The following SNTA1 variants were observed in gnomAD, a reference collection of about 807,000 sequenced individuals.
The protein encoded by SNTA1 is syntrophin alpha 1.
Under a neutral mutation model 47.1 loss-of-function variants are expected in SNTA1, and 31 were observed. That is an observed-to-expected ratio of 0.66 (90% CI 0.49 to 0.89). The LOEUF is 0.89. SNTA1 is among the 40% of genes least tolerant of loss of function. SNTA1 has a pLI of 0.00. For missense variants in SNTA1, 575 were observed against 693.0 expected, an observed-to-expected ratio of 0.83 and a Z score of 1.91; for synonymous variants, 300 against 313.6, an observed-to-expected ratio of 0.96 and a Z score of 0.46.
chr20:33,440,297 A>C (rs1300686155), intron 1 of SNTA1, among the ~76,000 whole-genome samples: 2 of 151,810 alleles, frequency 1.3e-5, no homozygotes, highest in East Asian at 3.9e-4. Context: ...CTCTTCTAAA[A>C]GTACAAACAT....
At chr20:33,443,245 C>A in intron 1 of SNTA1, 66 bp downstream of exon 1, 1 of 1,311,156 alleles carries the variant, frequency 7.6e-7, no homozygotes, top group Non-Finnish European at 1.0e-6. Flanking sequence ...GGCGCGCTGC[C>A]AGCCCCCTGC....
intron 2 of SNTA1, among the ~76,000 whole-genome samples, chr20:33,425,831 C>T (rs1379401250): frequency 6.6e-6 from 1 of 152,010 alleles, no homozygotes; most frequent in African/African-American, 2.4e-5. Context: ...CAGTGCTTCG[C>T]GAGGTCGAGG....
At position 33,438,753 on chromosome 20, in the gene SNTA1, G is replaced by A. The variant is rs879245636; in HGVS notation, c.496+88C>T. On this transcript the variant is annotated intron_variant, in intron 2 of 7. Coordinates refer to ENST00000217381, the MANE Select transcript of SNTA1 (RefSeq NM_003098.3). ...CCCACCTCCCAGCCCCCAGTGCTGGGATGGGGCCTTCTGAGGCCTGGGGGA... is the reference window on the plus strand; with the variant it reads ...CCCACCTCCCAGCCCCCAGTGCTGGAATGGGGCCTTCTGAGGCCTGGGGGA... The A allele has an allele frequency of 1.1e-4, 125 of 1,123,418 alleles. 1 individual carries two copies. The South Asian group carries it at 1.4e-3, about 13-fold the overall frequency. The allele number at this position is 1,123,418 out of a possible 1,614,324, so 69.6% of individuals were successfully genotyped here.
chr20:33,433,777 G>A (rs1990368120), intron 2 of SNTA1, among the ~76,000 whole-genome samples: 1 of 152,260 alleles, frequency 6.6e-6, no homozygotes, highest in African/African-American at 2.4e-5. Flanking sequence ...CTGCCAACTT[G>A]GGCCCAGACT....
chr20:33,408,973 G>A (rs1310904810), intron 6 of SNTA1, 85 bp from the exon 7 acceptor site: 8 of 1,271,244 alleles, frequency 6.3e-6, no homozygotes, highest in Non-Finnish European at 9.2e-6. Flanking sequence ...AGCTTACAAA[G>A]TGGGGCCTGA....
At chr20:33,415,281 G>C (rs1466750536) in intron 3 of SNTA1, among the ~76,000 whole-genome samples, 1 of 152,214 alleles carries the variant, frequency 6.6e-6, no homozygotes, top group Non-Finnish European at 1.5e-5. Context: ...CACGTTTCAG[G>C]TAATGTCTGG....
chr20:33,436,163 A>C (rs1402291804), intron 2 of SNTA1, among the ~76,000 whole-genome samples: 2 of 152,126 alleles, frequency 1.3e-5, no homozygotes, highest in Non-Finnish European at 2.9e-5. Flanking sequence ...ACTGCACTCC[A>C]ACCTGGGTGA....
intron 3 of SNTA1, among the ~76,000 whole-genome samples, chr20:33,415,421 C>A (rs1407781203): frequency 6.6e-6 from 1 of 152,176 alleles, no homozygotes; most frequent in Non-Finnish European, 1.5e-5. Flanking sequence ...CTTTGGGAGC[C>A]CAAGGTGGGT....
At chr20:33,428,931 C>T (rs562626439) in intron 2 of SNTA1, among the ~76,000 whole-genome samples, 1 of 151,874 alleles carries the variant, frequency 6.6e-6, no homozygotes, top group Admixed American at 6.6e-5. Flanking sequence ...ATCCCAGCTA[C>T]TTGGGAGGCT....
chr20:33,438,810 C>A (rs1245409205), intron 2 of SNTA1, 31 bp downstream of exon 2: 2 of 1,591,952 alleles, frequency 1.3e-6, no homozygotes, highest in Admixed American at 1.7e-5. Flanking sequence ...CTCCACCCAG[C>A]CCCTCTGAAC....
chr20:33,435,046 GC>G (rs1346269127), intron 2 of SNTA1, among the ~76,000 whole-genome samples: 7 of 138,204 alleles, frequency 5.1e-5, no homozygotes, highest in African/African-American at 1.9e-4. Context: ...AGGCTGGAGT[GC>G]AGCGGCACAA....
chr20:33,433,003 C>T (rs1273806554), intron 2 of SNTA1, among the ~76,000 whole-genome samples: 2 of 152,168 alleles, frequency 1.3e-5, no homozygotes, highest in East Asian at 1.9e-4. Context: ...AATCTTGGCT[C>T]ACTGCGACAT....
Position 33,408,352 on chromosome 20 carries a change from A to T in SNTA1, c.*155T>A. ...TCCTGCGTCTGGGTCCTGGGCCCCA[A>T]GACCAATCCAGTCTCCCTCAGGGTT... On this transcript the variant is annotated 3_prime_UTR_variant, in exon 8 of 8. Coordinates refer to ENST00000217381, the MANE Select transcript of SNTA1 (RefSeq NM_003098.3). 2 of 692,288 alleles carry T rather than the reference A, an allele frequency of 2.9e-6. No individual in the cohort carries two copies. The highest frequency in any genetic ancestry group is 3.1e-5 in the South Asian group (2 of 64,644). The allele number at this position is 692,288 out of a possible 1,614,324, so 42.9% of individuals were successfully genotyped here. A position where few individuals can be genotyped will look rare whatever the true frequency, so the allele number is the denominator to read the frequency against.
chr20:33,425,793 C>T (rs545927862), intron 2 of SNTA1, among the ~76,000 whole-genome samples: 4 of 152,262 alleles, frequency 2.6e-5, no homozygotes, highest in African/African-American at 7.2e-5. Context: ...ATGGAAGGGC[C>T]GGGCACACTG....
In SNTA1 at chr20:33,412,350, T is replaced by C; in HGVS notation, c.986A>G (p.Glu329Gly). 6.2e-7 allele frequency: 1 copy of C among 1,611,914 alleles called. No homozygotes were observed. Among genetic ancestry groups the C allele is most frequent in the Non-Finnish European group, 8.5e-7 (1 of 1,179,516 alleles). The change falls in exon 5 of 8, where the codon GAG (glutamate) becomes GGG (glycine). Residue 329 changes from glutamate (E) to glycine (G), a missense_variant. Glu to Gly is a moderately conservative substitution (Grantham distance 98). Transcript: ENST00000217381. ...KELLLYLSLP[E>G]TREALSRPAR... ...TGGCCGGCTCAGGGCCTCGCGGGTC[T>C]CGGGGAGAGACAAGTAGAGGAGCAG...
chr20:33,409,762 C>G (rs1448525151), intron 6 of SNTA1, among the ~76,000 whole-genome samples: 1 of 152,044 alleles, frequency 6.6e-6, no homozygotes, highest in Non-Finnish European at 1.5e-5. Context: ...TCCCGAGTAG[C>G]TAGGACTACA....
chr20:33,412,769 A>G lies in SNTA1; in HGVS notation c.715T>C (p.Cys239Arg), dbSNP rs1303989910. 1 of 1,609,686 alleles carries G rather than the reference A, an allele frequency of 6.2e-7. No homozygotes were observed. The highest frequency in any genetic ancestry group is 8.5e-7 in the Non-Finnish European group (1 of 1,178,506). ...NDPEPRYLEI[C>R]SADGQDTLFL... ...AGGGTGTCTTGACCATCTGCCGAGC[A>G]GATCTCCAGATACCTGCAGGCACAA... The change falls in exon 4 of 8, where the codon TGC becomes CGC. Residue 239 changes from cysteine to arginine, a missense_variant. By Grantham distance (180) the Cys-to-Arg change is radical (BLOSUM62 -3). Transcript: ENST00000217381.
At chr20:33,426,184 C>CA (rs1568756038) in intron 2 of SNTA1, among the ~76,000 whole-genome samples, 1 of 152,086 alleles carries the variant, frequency 6.6e-6, no homozygotes, top group Non-Finnish European at 1.5e-5. Context: ...CGCAGTGACT[C>CA]ACGCCTGTAA....
chr20:33,430,055 T>A, intron 2 of SNTA1, among the ~76,000 whole-genome samples: 1 of 152,092 alleles, frequency 6.6e-6, no homozygotes, highest in Non-Finnish European at 1.5e-5. Context: ...TTCAAAAATA[T>A]ACCACCACAT....
Sources: allele counts gnomAD v4.1 joint callset (sites outside exome capture counted in the v4.1 genomes callset), GRCh38; gene constraint gnomAD v4.1.1; transcripts MANE v1.5; gene names NCBI Gene and HGNC (gene_info 2026-07-23, HGNC 2026-07-21).